OPCML: variants seen among roughly 807,000 people sequenced by gnomAD.
The protein encoded by OPCML is opioid binding protein/cell adhesion molecule like.
A neutral mutation model predicts 37.8 loss-of-function variants in OPCML; 13 were observed. That is an observed-to-expected ratio of 0.34 (90% CI 0.22 to 0.55). The LOEUF (loss-of-function observed/expected upper bound fraction) is 0.55, where lower values mean the gene tolerates loss of function less well. Among genes scored for constraint, OPCML ranks in the 20% least tolerant of loss-of-function variants. The pLI is 0.91. For missense variants in OPCML, 341 were observed against 435.6 expected, an observed-to-expected ratio of 0.78 and a Z score of 1.93; for synonymous variants, 176 against 168.8, an observed-to-expected ratio of 1.04 and a Z score of -0.33.
At chr11:133,459,756 G>T (rs1319558675) in intron 1 of OPCML, among the ~76,000 whole-genome samples, 2 of 151,906 alleles carry the variant, frequency 1.3e-5, no homozygotes, top group African/African-American at 2.4e-5. Flanking sequence ...AGGAGAAATA[G>T]ATAACTCTAA....
At chr11:133,507,782 T>C (rs1178476305) in intron 1 of OPCML, among the ~76,000 whole-genome samples, 2 of 151,864 alleles carry the variant, frequency 1.3e-5, no homozygotes, top group African/African-American at 4.8e-5. Context: ...CCATATCTAC[T>C]ACAAAATTAC....
At chr11:132,528,232 T>C (rs1357480648) in intron 4 of OPCML, among the ~76,000 whole-genome samples, 1 of 152,222 alleles carries the variant, frequency 6.6e-6, no homozygotes, top group East Asian at 1.9e-4. Flanking sequence ...TTAAACTTTC[T>C]TGTAGATCAA....
At chr11:132,924,714 T>C (rs1944929748) in intron 2 of OPCML, among the ~76,000 whole-genome samples, 1 of 152,234 alleles carries the variant, frequency 6.6e-6, no homozygotes, top group Admixed American at 6.5e-5. Flanking sequence ...GAAAATCATA[T>C]GCCTAAGCAT....
At chr11:133,480,863 A>G (rs911543009) in intron 1 of OPCML, among the ~76,000 whole-genome samples, 1 of 152,240 alleles carries the variant, frequency 6.6e-6, no homozygotes, top group South Asian at 2.1e-4. Context: ...ACAATACTGA[A>G]TGGGATGACT....
rs139559145 is a variant in OPCML, at chr11:132,478,782, C to T, written c.506-41423G>A. ...ATTAACTGGTTTTGATTTACAGTTG[C>T]GCTTATTACCCATGGTTGCTTCAAG... On this transcript the variant is annotated intron_variant, in intron 4 of 7. Transcript: ENST00000524381. 5.1e-4 allele frequency among the ~76,000 whole-genome samples: 77 copies of T among 152,188 alleles called. 1 individual carries two copies. The highest frequency in any genetic ancestry group is 1.5e-3 in the African/African-American group (62 of 41,524).
chr11:133,294,819 T>TA (rs1420045171), intron 1 of OPCML, among the ~76,000 whole-genome samples: 1 of 123,042 alleles, frequency 8.1e-6, no homozygotes, highest in Non-Finnish European at 1.7e-5. Context: ...TTCTTTCTTT[T>TA]TTTTTTTTTT....
chr11:133,089,150 T>C (rs972997265), intron 1 of OPCML, among the ~76,000 whole-genome samples: 1 of 152,226 alleles, frequency 6.6e-6, no homozygotes, highest in Non-Finnish European at 1.5e-5. Flanking sequence ...CCAGTCTTTC[T>C]GATAATAGTA....
chr11:133,119,565 C>T (rs1949389630), intron 1 of OPCML, among the ~76,000 whole-genome samples: 1 of 152,130 alleles, frequency 6.6e-6, no homozygotes, highest in Non-Finnish European at 1.5e-5. Flanking sequence ...ACAAAACCCT[C>T]CGATTTCAGC....
At chr11:132,695,695 T>C (rs553419332) in intron 2 of OPCML, among the ~76,000 whole-genome samples, 94 of 152,314 alleles carry the variant, frequency 6.2e-4, no homozygotes, top group Middle Eastern at 3.4e-3. Context: ...ACACATCTAT[T>C]GGCGATTTCT....
chr11:133,514,332 A>C (rs1948218355), intron 1 of OPCML, among the ~76,000 whole-genome samples: 2 of 152,296 alleles, frequency 1.3e-5, no homozygotes, highest in Admixed American at 1.3e-4. Flanking sequence ...TGACCTCTGG[A>C]ATGTGGGCTT....
At chr11:132,578,167 C>T (rs947042981) in intron 3 of OPCML, among the ~76,000 whole-genome samples, 1 of 152,186 alleles carries the variant, frequency 6.6e-6, no homozygotes, top group African/African-American at 2.4e-5. Context: ...ATAGCACTGA[C>T]TTCTGCATAC....
intron 2 of OPCML, among the ~76,000 whole-genome samples, chr11:132,664,873 A>G (rs1306907665): frequency 6.6e-6 from 1 of 152,210 alleles, no homozygotes; most frequent in East Asian, 1.9e-4. Flanking sequence ...ATTGGTTGAG[A>G]ATGTATCTGA....
At chr11:132,759,303 T>C (rs1011228774) in intron 2 of OPCML, among the ~76,000 whole-genome samples, 3 of 152,226 alleles carry the variant, frequency 2.0e-5, no homozygotes, top group African/African-American at 7.2e-5. Context: ...ATCAGGATGA[T>C]GCTGGCCTCA....
chr11:132,932,567 T>C (rs1286058952), intron 2 of OPCML, among the ~76,000 whole-genome samples: 2 of 151,890 alleles, frequency 1.3e-5, no homozygotes, highest in Non-Finnish European at 2.9e-5. Flanking sequence ...TCAACATACA[T>C]GGATGCTCAG....
chr11:133,201,246 C>T (rs898856270), intron 1 of OPCML, among the ~76,000 whole-genome samples: 13 of 151,004 alleles, frequency 8.6e-5, no homozygotes, highest in Admixed American at 2.0e-4. Context: ...AATTTAGCCA[C>T]GTAACAAACC....
intron 1 of OPCML, among the ~76,000 whole-genome samples, chr11:133,524,885 G>A (rs752048660): frequency 6.6e-6 from 1 of 152,218 alleles, no homozygotes; most frequent in Non-Finnish European, 1.5e-5. Context: ...TGCCTTTGAG[G>A]ACTCAGTGGG....
At chr11:132,748,063 C>CTTTT (rs34569655) in intron 2 of OPCML, among the ~76,000 whole-genome samples, 1 of 140,470 alleles carries the variant, frequency 7.1e-6, no homozygotes, top group African/African-American at 2.6e-5. Context: ...AGCTGCTTGT[C>CTTTT]TTTTTTTTTT....
intron 1 of OPCML, among the ~76,000 whole-genome samples, chr11:133,245,835 G>A (rs1940902062): frequency 6.6e-6 from 1 of 152,144 alleles, no homozygotes; most frequent in Admixed American, 6.5e-5. Flanking sequence ...GATAAAGCCG[G>A]AAACCATCTT....
At chr11:133,048,904 A>G (rs1326716186) in intron 1 of OPCML, among the ~76,000 whole-genome samples, 1 of 152,230 alleles carries the variant, frequency 6.6e-6, no homozygotes, top group Non-Finnish European at 1.5e-5. Flanking sequence ...TCATTAATAA[A>G]TTCAGTCAGT....
Sources: allele counts gnomAD v4.1 joint callset (sites outside exome capture counted in the v4.1 genomes callset), GRCh38; gene constraint gnomAD v4.1.1; transcripts MANE v1.5; gene names NCBI Gene and HGNC (gene_info 2026-07-23, HGNC 2026-07-21).